The following ME3 variants were observed in gnomAD, a reference collection of about 807,000 sequenced individuals.
The protein encoded by ME3 is malic enzyme 3.
ME3 carries 48 observed loss-of-function variants against 68.9 expected under a neutral mutation model. The ratio of observed to expected loss-of-function variants is 0.70; its 90% CI spans 0.55 to 0.89. The LOEUF is 0.89. Ranked by LOEUF, ME3 falls within the 40% of genes least tolerant of loss-of-function variation. The pLI, the probability that ME3 is intolerant of heterozygous loss-of-function variation, is 0.00. For synonymous variants in ME3, 320 were observed against 318.8 expected (o/e 1.00, Z -0.04); for missense variants, 675 against 797.4 (o/e 0.85, Z 1.85).
chr11:86,595,124 CTAA>C (rs1959202193), intron 2 of ME3, among the ~76,000 whole-genome samples: 1 of 139,568 alleles, frequency 7.2e-6, no homozygotes, highest in African/African-American at 2.7e-5. Context: ...TTGACAAGGG[CTAA>C]TAATAAGAAA....
intron 4 of ME3, among the ~76,000 whole-genome samples, chr11:86,520,363 T>C (rs1210677298): frequency 1.3e-5 from 2 of 152,318 alleles, no homozygotes; most frequent in Non-Finnish European, 2.9e-5. Context: ...GCGCCAGGCA[T>C]TGTGCTGAGT....
intron 4 of ME3, among the ~76,000 whole-genome samples, chr11:86,546,628 G>T (rs996067510): frequency 6.6e-6 from 1 of 152,140 alleles, no homozygotes; most frequent in African/African-American, 2.4e-5. Flanking sequence ...ACCATCTCAT[G>T]CCAGTTAGAA....
At chr11:86,548,607 A>G (rs1242392963) in intron 4 of ME3, among the ~76,000 whole-genome samples, 1 of 152,180 alleles carries the variant, frequency 6.6e-6, no homozygotes, top group African/African-American at 2.4e-5. Flanking sequence ...ATGTGTTTTC[A>G]TTTACTTTTG....
At chr11:86,626,390 G>GCT (rs1266205388) in intron 2 of ME3, among the ~76,000 whole-genome samples, 1 of 152,214 alleles carries the variant, frequency 6.6e-6, no homozygotes, top group East Asian at 1.9e-4. Context: ...TGTGGCAACA[G>GCT]CTCAGTGTAG....
At chr11:86,462,491 G>T (rs1950270006) in intron 8 of ME3, 1 of 909,008 alleles carries the variant, frequency 1.1e-6, no homozygotes, top group South Asian at 5.0e-5. Flanking sequence ...TTTGTTCAAG[G>T]GTCAGCTGTA....
At chr11:86,521,259 A>G (rs1246828140) in intron 4 of ME3, among the ~76,000 whole-genome samples, 4 of 151,954 alleles carry the variant, frequency 2.6e-5, no homozygotes, top group African/African-American at 7.3e-5. Context: ...GCCGGGCGTG[A>G]TGGCGGGCGC....
chr11:86,597,800 T>G (rs1959780744), intron 2 of ME3, among the ~76,000 whole-genome samples: 1 of 152,102 alleles, frequency 6.6e-6, no homozygotes, highest in Non-Finnish European at 1.5e-5. Context: ...CTTGGTTTTA[T>G]ACATTCTAGG....
At chr11:86,580,367 GGTAAGTA>G (rs1958368887) in intron 2 of ME3, among the ~76,000 whole-genome samples, 1 of 44,054 alleles carries the variant, frequency 2.3e-5, no homozygotes, top group Non-Finnish European at 3.7e-5. Context: ...TGTATCTTCT[GGTAAGTA>G]AAGTTAATAT....
intron 2 of ME3, among the ~76,000 whole-genome samples, chr11:86,594,025 A>G (rs1293594202): frequency 6.8e-6 from 1 of 146,464 alleles, no homozygotes; most frequent in Non-Finnish European, 1.5e-5. Flanking sequence ...TTTAATAAGC[A>G]CCGACTAGGT....
chr11:86,534,719 G>A (rs946882402), intron 4 of ME3, among the ~76,000 whole-genome samples: 14 of 152,148 alleles, frequency 9.2e-5, no homozygotes, highest in South Asian at 6.2e-4. Flanking sequence ...TAAAACACAC[G>A]CTGCACAACT....
At chr11:86,562,893 G>C (rs1468914646) in intron 2 of ME3, among the ~76,000 whole-genome samples, 2 of 151,894 alleles carry the variant, frequency 1.3e-5, no homozygotes, top group Non-Finnish European at 2.9e-5. Flanking sequence ...TCAATATTTA[G>C]CTCCCACTTA....
intron 2 of ME3, among the ~76,000 whole-genome samples, chr11:86,574,406 G>C (rs1479851528): frequency 1.3e-5 from 2 of 148,862 alleles, no homozygotes; most frequent in African/African-American, 2.5e-5. Flanking sequence ...CCGGGGGGGG[G>C]GGGGGTGTCT....
chr11:86,522,391 A>ATTTTTTTTTTTT, intron 4 of ME3, among the ~76,000 whole-genome samples: 1 of 149,892 alleles, frequency 6.7e-6, no homozygotes, highest in Non-Finnish European at 1.5e-5. Flanking sequence ...AGGTTCTAGG[A>ATTTTTTTTTTTT]TATATGTGCA....
intron 4 of ME3, among the ~76,000 whole-genome samples, chr11:86,554,920 A>G (rs1453720541): frequency 6.6e-6 from 1 of 152,220 alleles, no homozygotes; most frequent in African/African-American, 2.4e-5. Context: ...AACAAAAAGA[A>G]AACTATGGGA....
rs563738961 is a variant in ME3 at position 86,617,045 on chromosome 11, G to GTTTTTTTTTTTTTTTTTTTTTTTTTTTTT, written c.183+54688_183+54716dup. Among the ~76,000 whole-genome samples the GTTTTTTTTTTTTTTTTTTTTTTTTTTTTT allele has an allele frequency of 3.6e-5, 2 of 56,300 alleles. 1 individual carries two copies. Among genetic ancestry groups the GTTTTTTTTTTTTTTTTTTTTTTTTTTTTT allele is most frequent in the Non-Finnish European group, 6.2e-5 (2 of 32,064 alleles). The allele number at this position is 56,300 out of a possible 152,430, so 36.9% of individuals were successfully genotyped here. On this transcript the variant is annotated intron_variant, in intron 2 of 14. Coordinates refer to ENST00000543262, the Ensembl canonical transcript of ME3. ...ACATCTAAAATACTCCAAGATAGTA[G>GTTTTTTTTTTTTTTTTTTTTTTTTTTTTT]TTTTTTTTTTTTTTTTTTTTTTTTT...
At chr11:86,622,854 C>G (rs191093448) in intron 2 of ME3, 9 of 152,030 alleles carry the variant, frequency 5.9e-5, no homozygotes, top group Admixed American at 5.9e-4. Flanking sequence ...CAACCACTCC[C>G]CCTGGAAGCT....
At chr11:86,439,027 G>A (rs1016189183), downstream of ME3, among the ~76,000 whole-genome samples, 18 of 152,172 alleles carry the variant, frequency 1.2e-4, no homozygotes, top group Admixed American at 3.9e-4. Flanking sequence ...CATCAGGTAG[G>A]AGTAAGTCTC....
intron 2 of ME3, among the ~76,000 whole-genome samples, chr11:86,560,235 G>C (rs1957140658): frequency 6.6e-6 from 1 of 152,146 alleles, no homozygotes; most frequent in South Asian, 2.1e-4. Context: ...TTTTCCCCAT[G>C]CTATTCTTGT....
intron 6 of ME3, among the ~76,000 whole-genome samples, chr11:86,492,792 C>T (rs1023785366): frequency 2.0e-5 from 3 of 152,244 alleles, no homozygotes; most frequent in African/African-American, 4.8e-5. Context: ...ATGGTTTCCT[C>T]CTCTTCACTG....
Sources: allele counts gnomAD v4.1 joint callset (sites outside exome capture counted in the v4.1 genomes callset), GRCh38; gene constraint gnomAD v4.1.1; transcripts MANE v1.5; gene names NCBI Gene and HGNC (gene_info 2026-07-23, HGNC 2026-07-21).